The following FCHSD2 variants were observed in gnomAD, a reference collection of about 807,000 sequenced individuals.
FCHSD2 encodes the protein FCH and double SH3 domains 2.
A neutral mutation model predicts 108.1 loss-of-function variants in FCHSD2; 38 were observed. That is an observed-to-expected ratio of 0.35 (90% CI 0.27 to 0.46). The LOEUF is 0.46. Among genes scored for constraint, FCHSD2 ranks in the 20% least tolerant of loss-of-function variants. The pLI is 1.00. For synonymous variants in FCHSD2, 279 were observed against 314.7 expected, an observed-to-expected ratio of 0.89 and a Z score of 1.20; for missense variants, 751 against 897.8, an observed-to-expected ratio of 0.84 and a Z score of 2.09.
At position 73,031,200 on chromosome 11, in the gene FCHSD2, G is replaced by A. The variant is rs540743343; in HGVS notation, c.166-15315C>T. Among the ~76,000 whole-genome samples the A allele has an allele frequency of 8.5e-4, 129 of 152,208 alleles. 1 individual carries two copies. The highest frequency in any genetic ancestry group is 3.4e-3 in the Middle Eastern group (1 of 292). ...CTTGAATAAATAGAGAATAAAGGCCGGGCACGGTGGCTCACATCTGTAATT... is the reference window on the plus strand; with the variant it reads ...CTTGAATAAATAGAGAATAAAGGCCAGGCACGGTGGCTCACATCTGTAATT... On this transcript the variant is annotated intron_variant, in intron 3 of 19. Coordinates refer to ENST00000409418, the MANE Select transcript of FCHSD2 (RefSeq NM_014824.3).
intron 8 of FCHSD2, among the ~76,000 whole-genome samples, chr11:72,943,190 C>T (rs1447264382): frequency 6.6e-6 from 1 of 151,800 alleles, no homozygotes; most frequent in Non-Finnish European, 1.5e-5. Context: ...ATGGGGTTTC[C>T]CCATGTTAGC....
chr11:72,951,378 T>C (rs1321305786), intron 8 of FCHSD2, among the ~76,000 whole-genome samples: 1 of 152,184 alleles, frequency 6.6e-6, no homozygotes, highest in Non-Finnish European at 1.5e-5. Flanking sequence ...ACAAAACATC[T>C]GGCATATGAT....
chr11:72,899,138 T>C (rs897276564), intron 10 of FCHSD2, among the ~76,000 whole-genome samples: 1 of 152,198 alleles, frequency 6.6e-6, no homozygotes, highest in African/African-American at 2.4e-5. Context: ...TAAATTAATA[T>C]AGGTAATGCC....
chr11:73,094,966 C>A (rs1042203133), intron 2 of FCHSD2, among the ~76,000 whole-genome samples: 1 of 152,160 alleles, frequency 6.6e-6, no homozygotes, highest in African/African-American at 2.4e-5. Context: ...AATTCTCTAA[C>A]ATCCATTGAA....
intron 2 of FCHSD2, among the ~76,000 whole-genome samples, chr11:73,137,713 A>C (rs1861151233): frequency 6.6e-6 from 1 of 152,192 alleles, no homozygotes; most frequent in Non-Finnish European, 1.5e-5. Context: ...AAGTGGGAGG[A>C]AGGGTACCAA....
intron 5 of FCHSD2, among the ~76,000 whole-genome samples, chr11:73,000,478 G>A (rs569466177): frequency 6.6e-6 from 1 of 152,154 alleles, no homozygotes; most frequent in South Asian, 2.1e-4. Flanking sequence ...ATGTCCATTT[G>A]AAAACATTTA....
rs192644353 is a variant in FCHSD2, at chr11:73,057,918, C to A, written c.165+25777G>T. Among the ~76,000 whole-genome samples the A allele has an allele frequency of 3.5e-3, 522 of 149,126 alleles. 3 individuals carry two copies. The highest frequency in any genetic ancestry group is 0.012 in the African/African-American group (503 of 40,316). On this transcript the variant is annotated intron_variant, in intron 3 of 19. Transcript: ENST00000409418. ...TTTTTGAGACAGAGTCTCGCTCTGT[C>A]GCCCAGGCTGGAGTGCAGTGGCACG...
At chr11:72,964,129 T>C (rs781651625) in intron 8 of FCHSD2, among the ~76,000 whole-genome samples, 20 of 152,200 alleles carry the variant, frequency 1.3e-4, no homozygotes, top group Non-Finnish European at 2.8e-4. Flanking sequence ...ACAATCAGCA[T>C]TCAAATATTT....
intron 3 of FCHSD2, among the ~76,000 whole-genome samples, chr11:73,041,408 TTAATAATC>T (rs1306327848): frequency 6.6e-6 from 1 of 152,230 alleles, no homozygotes; most frequent in African/African-American, 2.4e-5. Context: ...GTTGTTCTTT[TTAATAATC>T]ACCATTCTGA....
At chr11:72,895,831 G>A (rs1413966370) in intron 10 of FCHSD2, among the ~76,000 whole-genome samples, 1 of 152,132 alleles carries the variant, frequency 6.6e-6, no homozygotes, top group Non-Finnish European at 1.5e-5. Context: ...TAAGAGGATG[G>A]TACCTATTTA....
rs566680872 is a variant in FCHSD2, at chr11:73,039,082, G to A, written c.166-23197C>T. Among the ~76,000 whole-genome samples, 5 of 152,230 alleles carry A rather than the reference G, an allele frequency of 3.3e-5. No homozygotes were observed. The South Asian group carries it at 1.0e-3, about 32-fold the overall frequency. On this transcript the variant is annotated intron_variant, in intron 3 of 19. Coordinates refer to ENST00000409418, the MANE Select transcript of FCHSD2 (RefSeq NM_014824.3). ...TCTCCATAATAATTGCAGAATCACT[G>A]TTTATTTTTATCTGCAACCAGTTTC...
chr11:73,019,909 T>C (rs1199359889), intron 3 of FCHSD2, among the ~76,000 whole-genome samples: 1 of 152,238 alleles, frequency 6.6e-6, no homozygotes, highest in Non-Finnish European at 1.5e-5. Context: ...TTGCAATTTT[T>C]TAAAGTTTTT....
rs565809219 is a variant in FCHSD2, at chr11:72,904,365, TGAG to T, written c.829-1730_829-1728del. Among the ~76,000 whole-genome samples the T allele has an allele frequency of 9.2e-5, 14 of 152,316 alleles. No homozygotes were observed. In the South Asian group the frequency reaches 1.5e-3, roughly 16 times the overall value. ...ATTAACCTTTTTGTTTTGTTCCTCTTGAGGAGGAGATTTCAACCTTTTAAAATT... is the reference window on the plus strand; with the variant it reads ...ATTAACCTTTTTGTTTTGTTCCTCTTGAGGAGATTTCAACCTTTTAAAATT... On this transcript the variant is annotated intron_variant, in intron 9 of 19. Transcript: ENST00000409418.
intron 6 of FCHSD2, among the ~76,000 whole-genome samples, chr11:72,986,489 G>A (rs1459264866): frequency 2.6e-5 from 4 of 152,128 alleles, no homozygotes; most frequent in Non-Finnish European, 5.9e-5. Flanking sequence ...GATTACAGGC[G>A]TGAGCCACCG....
intron 3 of FCHSD2, among the ~76,000 whole-genome samples, chr11:73,031,668 C>T (rs1156742324): frequency 6.6e-6 from 1 of 152,188 alleles, no homozygotes; most frequent in Non-Finnish European, 1.5e-5. Context: ...TATTAACCAA[C>T]ACTGCTTATA....
intron 9 of FCHSD2, among the ~76,000 whole-genome samples, chr11:72,907,837 C>T (rs1855665883): frequency 6.6e-6 from 1 of 152,112 alleles, no homozygotes; most frequent in Non-Finnish European, 1.5e-5. Flanking sequence ...TCGTCATCTG[C>T]CCACCTTGGC....
At chr11:73,047,951 G>C (rs79668918) in intron 3 of FCHSD2, among the ~76,000 whole-genome samples, 16 of 152,174 alleles carry the variant, frequency 1.1e-4, no homozygotes, top group African/African-American at 3.6e-4. Flanking sequence ...AATTTATGTA[G>C]AGTGATTATG....
intron 11 of FCHSD2, among the ~76,000 whole-genome samples, chr11:72,889,224 G>C (rs979264752): frequency 6.6e-6 from 1 of 152,094 alleles, no homozygotes; most frequent in Non-Finnish European, 1.5e-5. Context: ...GCCTCCCAAA[G>C]TGCTGGGATT....
intron 13 of FCHSD2, among the ~76,000 whole-genome samples, chr11:72,866,160 A>C (rs1005575772): frequency 5.3e-5 from 8 of 152,236 alleles, no homozygotes; most frequent in Admixed American, 3.9e-4. Context: ...TGCTGTCATC[A>C]AAAACTCTAC....
Sources: gnomAD v4.1 joint callset for allele counts (sites outside exome capture counted in the v4.1 genomes callset) on GRCh38, gnomAD v4.1.1 for gene constraint, MANE v1.5 for transcripts, NCBI Gene and HGNC (gene_info 2026-07-23, HGNC 2026-07-21) for gene names.